HHIPL1: variants seen among roughly 807,000 people sequenced by gnomAD.
The protein encoded by HHIPL1 is HHIP like 1, also known as HHIP-like protein 1.
Under a neutral mutation model 61.8 loss-of-function variants are expected in HHIPL1, and 43 were observed. The ratio of observed to expected loss-of-function variants is 0.70; its 90% CI spans 0.55 to 0.90. HHIPL1 has a LOEUF of 0.90. HHIPL1 is among the 40% of genes least tolerant of loss of function. HHIPL1 has a pLI of 0.00. For missense variants in HHIPL1, 1,056 were observed against 1,157.7 expected, an observed-to-expected ratio of 0.91 and a Z score of 1.28; for synonymous variants, 482 against 515.8, an observed-to-expected ratio of 0.93 and a Z score of 0.89.
rs951188849 is a variant in HHIPL1, at chr14:99,668,160, C to T, written c.1649-62C>T. On this transcript the variant is annotated intron_variant, in intron 6 of 8. Transcript: ENST00000330710. The surrounding 1 kb of genome is among the most constrained non-coding windows in gnomAD (Gnocchi z 4.7). ...GCCTGCAGGGAGCCGGGTGGTGAGG[C>T]GGGGCTGGCTGGGACGGTATTCCAG... 4.5e-5 allele frequency: 46 copies of T among 1,015,072 alleles called. No homozygotes were observed. Among genetic ancestry groups the T allele is most frequent in the Admixed American group, 1.7e-4 (10 of 59,002 alleles). The allele number at this position is 1,015,072 out of a possible 1,614,324, so 62.9% of individuals were successfully genotyped here. A position where few individuals can be genotyped will look rare whatever the true frequency, so the allele number is the denominator to read the frequency against.
chr14:99,644,463 T>TG (rs569460963), upstream of HHIPL1, among the ~76,000 whole-genome samples: 43 of 2,132 alleles, frequency 0.02, no homozygotes, highest in East Asian at 0.19. Context: ...TGTATGTGTG[T>TG]GGGGGGGTGG....
chr14:99,648,119 G>A (rs961901483), intron 1 of HHIPL1, among the ~76,000 whole-genome samples: 6 of 152,118 alleles, frequency 3.9e-5, no homozygotes, highest in African/African-American at 1.4e-4. Flanking sequence ...CAAGTCACAG[G>A]CCCAGTCTCA....
chr14:99,620,204 C>T, the HHIPL1 span, among the ~76,000 whole-genome samples: 1 of 152,194 alleles, frequency 6.6e-6, no homozygotes, highest in Admixed American at 6.5e-5. Context: ...TCACAGGAAA[C>T]AAGAAAAGAG....
the HHIPL1 span, among the ~76,000 whole-genome samples, chr14:99,616,565 CCAAATATAGAGAAAAGTTGCAGAAT>C: frequency 2.0e-5 from 3 of 151,830 alleles, no homozygotes; most frequent in South Asian, 2.1e-4. Flanking sequence ...TGTGTTGTTT[CCAAATATAGAGAAAAGTTGCAGAAT>C]CAAATATAGA....
Position 99,668,861 on chromosome 14 carries a change from A to G in HHIPL1, c.1730+558A>G. ...AAGGCCAGAAGCGCCATGCCCGGCT[A>G]TGTCCCAGCTCCTTCCGTGTGCAGC... On this transcript the variant is annotated intron_variant, in intron 7 of 8. Transcript: ENST00000330710. The surrounding 1 kb of genome is among the most constrained non-coding windows in gnomAD (Gnocchi z 4.7). 2.5e-6 allele frequency: 4 copies of G among 1,613,998 alleles called. No homozygotes were observed. The highest frequency in any genetic ancestry group is 3.4e-6 in the Non-Finnish European group (4 of 1,180,010).
the HHIPL1 span, chr14:99,625,585 C>T: frequency 7.7e-5 from 11 of 142,604 alleles, no homozygotes; most frequent in African/African-American, 2.9e-4. Flanking sequence ...AGGCTGAGCC[C>T]ATCCTGCAGC....
chr14:99,664,404 A>C (rs1159821026), intron 6 of HHIPL1, among the ~76,000 whole-genome samples: 1 of 152,206 alleles, frequency 6.6e-6, no homozygotes, highest in East Asian at 1.9e-4. Flanking sequence ...GTGTTTTAGA[A>C]GCAGGGGTGC....
At chr14:99,630,677 G>T in the HHIPL1 span, among the ~76,000 whole-genome samples, 459 of 152,290 alleles carry the variant, frequency 3.0e-3, 3 homozygotes, top group East Asian at 0.043. Flanking sequence ...TCAGGAACAG[G>T]ACATGCGGCC....
intron 7 of HHIPL1, among the ~76,000 whole-genome samples, chr14:99,671,927 G>A (rs1236083595): frequency 6.6e-6 from 1 of 152,244 alleles, no homozygotes; most frequent in African/African-American, 2.4e-5. Flanking sequence ...GCTGGTGGGA[G>A]AGGGTGGCGG....
At chr14:99,645,103 T>A, upstream of HHIPL1, 1 of 1,053,632 alleles carries the variant, frequency 9.5e-7, no homozygotes. Flanking sequence ...CTCGAGGCCC[T>A]GCGTGTAGGG....
chr14:99,624,272 G>T, the HHIPL1 span, among the ~76,000 whole-genome samples: 3 of 152,154 alleles, frequency 2.0e-5, 1 homozygote, highest in Admixed American at 2.0e-4. Flanking sequence ...GGGGGCACTC[G>T]GGCCTGGGTT....
chr14:99,621,709 C>CTTTTTTTTTT, the HHIPL1 span, among the ~76,000 whole-genome samples: 58 of 84,532 alleles, frequency 6.9e-4, no homozygotes, highest in African/African-American at 8.8e-4. Context: ...CTTTTCTTTT[C>CTTTTTTTTTT]TTTTTTTTTT....
the HHIPL1 span, among the ~76,000 whole-genome samples, chr14:99,638,946 C>CAT: frequency 6.6e-6 from 1 of 152,250 alleles, no homozygotes; most frequent in Non-Finnish European, 1.5e-5. Flanking sequence ...GAGCTCAGGC[C>CAT]ATAGAAATAG....
the HHIPL1 span, chr14:99,624,624 C>A: frequency 7.2e-5 from 11 of 152,242 alleles, no homozygotes; most frequent in African/African-American, 2.7e-4. Flanking sequence ...GCAGAGCAGG[C>A]AGCAGCCCAA....
In HHIPL1 at chr14:99,678,269, C is replaced by T. The variant is rs990449246; in HGVS notation, c.*2643C>T. The stretch of plus-strand genomic sequence containing the variant: ...GTTCCTAACAGGCCACCCATCAGTA[C>T]TGGTCCGTGGCCCAGGGTTTGGAGA... On this transcript the variant is annotated 3_prime_UTR_variant, in exon 9 of 9. Transcript: ENST00000330710. The T allele has an allele frequency of 6.6e-6, 1 of 152,218 alleles. No homozygotes were observed. The highest frequency in any genetic ancestry group is 1.5e-5 in the Non-Finnish European group (1 of 68,042). 9.4% of individuals were successfully genotyped at this position (152,218 alleles called of 1,614,324 possible).
the HHIPL1 span, among the ~76,000 whole-genome samples, chr14:99,635,118 G>C: frequency 0.18 from 26,845 of 151,990 alleles, 2,984 homozygotes; most frequent in South Asian, 0.39. Flanking sequence ...GACACTCAAC[G>C]AGCTGGAGGT....
chr14:99,623,631 C>G, the HHIPL1 span, among the ~76,000 whole-genome samples: 97 of 152,228 alleles, frequency 6.4e-4, no homozygotes, highest in Non-Finnish European at 1.1e-3. Context: ...CCAGGCTGGT[C>G]TCTAAATCCT....
At chr14:99,635,885 C>T in the HHIPL1 span, among the ~76,000 whole-genome samples, 12 of 152,294 alleles carry the variant, frequency 7.9e-5, no homozygotes, top group African/African-American at 2.9e-4. Flanking sequence ...GCAAAGTTAT[C>T]TCGTGCCTTC....
intron 1 of HHIPL1, among the ~76,000 whole-genome samples, chr14:99,648,719 G>A (rs1037169121): frequency 6.6e-6 from 1 of 152,216 alleles, no homozygotes; most frequent in Non-Finnish European, 1.5e-5. Context: ...AGCCCTGGGA[G>A]CATGGAGGAC....
Sources: gnomAD v4.1 joint callset for allele counts (sites outside exome capture counted in the v4.1 genomes callset) on GRCh38, gnomAD v4.1.1 for gene constraint, Gnocchi (gnomAD v3.1) non-coding constraint, MANE v1.5 for transcripts, NCBI Gene and HGNC (gene_info 2026-07-23, HGNC 2026-07-21) for gene names.